Variants in TYW3 observed in about 807,000 individuals in gnomAD.
TYW3 encodes the protein tRNA-yW synthesizing protein 3 homolog, also known as tRNA wybutosine-synthesizing protein 3 homolog.
A neutral mutation model predicts 23.1 loss-of-function variants in TYW3; 26 were observed. The observed-to-expected ratio is 1.13, with a 90% CI of 0.83 to 1.56. The LOEUF (loss-of-function observed/expected upper bound fraction) is 1.56, where lower values mean the gene tolerates loss of function less well. TYW3 is among the 40% of genes most tolerant of loss of function. TYW3 has a pLI of 0.00. For missense variants in TYW3, 316 were observed against 311.9 expected (o/e 1.01, Z -0.10); for synonymous variants, 102 against 105.7 (o/e 0.97, Z 0.21).
At chr1:74,762,766 C>T (rs933315570) in intron 5 of TYW3, among the ~76,000 whole-genome samples, 1 of 152,114 alleles carries the variant, frequency 6.6e-6, no homozygotes, top group Admixed American at 6.5e-5. Flanking sequence ...GCTGACATCA[C>T]CTTTCCTAAA....
intron 5 of TYW3, 148 bp from the exon 6 acceptor site, chr1:74,763,746 C>T: frequency 1.8e-6 from 1 of 557,116 alleles, no homozygotes; most frequent in South Asian, 3.5e-5. Flanking sequence ...CATTTATTTC[C>T]CTAATAAAAC....
At position 74,765,450 on chromosome 1, in the gene TYW3, G is replaced by GCACT. The variant is rs1420088521; in HGVS notation, c.*1339_*1342dup. The GCACT allele has an allele frequency of 1.3e-5, 2 of 152,058 alleles. No individual in the cohort carries two copies. The highest frequency in any genetic ancestry group is 2.9e-5 in the Non-Finnish European group (2 of 67,988). 9.4% of individuals were successfully genotyped at this position (152,058 alleles called of 1,614,324 possible). ...ATTCCCCTAGATGACAATGTCAGTG[G>GCACT]CACTCGAAGTTGTGCAGTGCACATT... On this transcript the variant is annotated 3_prime_UTR_variant, in exon 6 of 6. Coordinates refer to ENST00000370867, the MANE Select transcript of TYW3 (RefSeq NM_138467.3).
Position 74,733,209 on chromosome 1 carries a change from T to G in TYW3, c.-36T>G, listed in dbSNP as rs976201759. On this transcript the variant is annotated 5_prime_UTR_variant, in exon 1 of 6. An upstream start codon of the reference 5' UTR is lost. Transcript: ENST00000370867. ...CCCCCAGGGAGAGACGAGGCTACCA[T>G]GAAGGAGCCGAGCGCAGACCCTGAG... The G allele has an allele frequency of 1.9e-6, 3 of 1,608,604 alleles. No homozygotes were observed. Among genetic ancestry groups the G allele is most frequent in the Non-Finnish European group, 2.5e-6 (3 of 1,177,306 alleles).
At chr1:74,751,730 C>CTTGTA (rs1557748120) in intron 4 of TYW3, among the ~76,000 whole-genome samples, 2 of 152,168 alleles carry the variant, frequency 1.3e-5, no homozygotes, top group African/African-American at 4.8e-5. Flanking sequence ...TTTTTATAGA[C>CTTGTA]CTTGTATGGT....
chr1:74,760,515 A>G (rs1484382004), intron 5 of TYW3, among the ~76,000 whole-genome samples: 1 of 152,180 alleles, frequency 6.6e-6, no homozygotes, highest in East Asian at 1.9e-4. Flanking sequence ...TCATCCTTGC[A>G]GTTCAGCCCA....
Position 74,763,990 on chromosome 1 carries a change from G to GA in TYW3, c.664dup (p.Arg222LysfsTer13), listed in dbSNP as rs746460438. The GA allele has an allele frequency of 6.2e-7, 1 of 1,610,130 alleles. No homozygotes were observed. ...AAAATAACTCATCATATATTCATAAGAAAAAAAGAAACCCAGAAAAAACAC... is the reference window on the plus strand; with the variant it reads ...AAAATAACTCATCATATATTCATAAGAAAAAAAAGAAACCCAGAAAAAACAC... On this transcript the variant is annotated frameshift_variant, in exon 6 of 6. Transcript: ENST00000370867. LOFTEE classifies it low-confidence loss of function (END_TRUNC).
Position 74,758,317 on chromosome 1 carries a change from A to G in TYW3, c.561-5577A>G, listed in dbSNP as rs540445571. 4.2e-4 allele frequency among the ~76,000 whole-genome samples: 64 copies of G among 152,348 alleles called. No individual in the cohort carries two copies. In the South Asian group the frequency reaches 5.2e-3, roughly 12 times the overall value. ...ACATATCCAATAACCATTTGAACAT[A>G]TCTAATTAAAATCTCTCACCAGCTT... On this transcript the variant is annotated intron_variant, in intron 5 of 5. Coordinates refer to ENST00000370867, the MANE Select transcript of TYW3 (RefSeq NM_138467.3).
chr1:74,758,315 A>G (rs1464736895), intron 5 of TYW3, among the ~76,000 whole-genome samples: 1 of 152,224 alleles, frequency 6.6e-6, no homozygotes, highest in African/African-American at 2.4e-5. Context: ...CCATTTGAAC[A>G]TATCTAATTA....
chr1:74,752,357 G>A lies in TYW3; in HGVS notation c.492G>A (p.Glu164=). The part of the protein sequence containing the change: ...LSHKGKLMVT[E]EYIDFLLNVA... ...ATAAGGGAAAACTGATGGTGACAGAGGAATATATTGACTTCCTGTTAAATG... is the reference window on the plus strand; with the variant it reads ...ATAAGGGAAAACTGATGGTGACAGAAGAATATATTGACTTCCTGTTAAATG... Residue 164 remains glutamate (E), a synonymous_variant, in exon 5 of 6, where the codon GAG becomes GAA. Coordinates refer to ENST00000370867, the MANE Select transcript of TYW3 (RefSeq NM_138467.3). 2 of 1,613,318 alleles carry A rather than the reference G, an allele frequency of 1.2e-6. No individual in the cohort carries two copies. The highest frequency in any genetic ancestry group is 1.7e-6 in the Non-Finnish European group (2 of 1,179,596).
chr1:74,764,137 C>A lies in TYW3; in HGVS notation c.*24C>A. On this transcript the variant is annotated 3_prime_UTR_variant, in exon 6 of 6. Transcript: ENST00000370867. ...AAGCTTTGGTTCTGATGTGTCTTGG[C>A]CGTAATGTTTCTAGTAGGTTTTATA... 1 of 1,581,384 alleles carries A rather than the reference C, an allele frequency of 6.3e-7. No homozygotes were observed. The highest frequency in any genetic ancestry group is 8.6e-7 in the Non-Finnish European group (1 of 1,164,458).
intron 3 of TYW3, among the ~76,000 whole-genome samples, chr1:74,742,288 T>A (rs1648390232): frequency 6.6e-6 from 1 of 152,228 alleles, no homozygotes; most frequent in South Asian, 2.1e-4. Context: ...GGAGGAGATT[T>A]GGCCCTGTAA....
chr1:74,746,740 A>C (rs1309719355), intron 3 of TYW3, among the ~76,000 whole-genome samples: 2 of 152,208 alleles, frequency 1.3e-5, no homozygotes, highest in African/African-American at 4.8e-5. Context: ...GGAGAGCTGC[A>C]TTTAAAGAGG....
chr1:74,747,142 C>T (rs1570064209), intron 3 of TYW3, among the ~76,000 whole-genome samples: 1 of 152,100 alleles, frequency 6.6e-6, no homozygotes, highest in African/African-American at 2.4e-5. Context: ...TTGGGAGACT[C>T]CTCCAGAAGT....
intron 1 of TYW3, among the ~76,000 whole-genome samples, chr1:74,735,857 G>A (rs1648136247): frequency 6.6e-6 from 1 of 152,246 alleles, no homozygotes; most frequent in Admixed American, 6.5e-5. Flanking sequence ...TTTGAGTATA[G>A]TGATTTCTGT....
chr1:74,738,801 T>C lies in TYW3; in HGVS notation c.354+13T>C, dbSNP rs940385615. The C allele has an allele frequency of 4.4e-6, 7 of 1,599,384 alleles. No homozygotes were observed. The African/African-American group carries it at 9.4e-5, about 21-fold the overall frequency. ...TGCACAGATTCTGGTAAAATTTTGT[T>C]GTAATTGTACTTGAATTTATAGATA... On this transcript the variant is annotated intron_variant, in intron 3 of 5. Transcript: ENST00000370867.
Position 74,752,306 on chromosome 1 carries a change from A to C in TYW3, c.441A>C (p.Thr147=). Residue 147 remains threonine (T), a synonymous_variant, in exon 5 of 6, where the codon ACA becomes ACC. Transcript: ENST00000370867. ...RGKTMLAVRS[T]HGLEVPLSHK... ...TTTCCTTGTAGGCTGTCCGGAGTAC[A>C]CATGGCTTAGAAGTTCCATTAAGCC... 1.9e-6 allele frequency: 3 copies of C among 1,610,728 alleles called. No homozygotes were observed. The South Asian group carries it at 3.3e-5, about 18-fold the overall frequency.
In TYW3 at chr1:74,763,994, AAAAG is replaced by A. The variant is rs768180633; in HGVS notation, c.665_668del (p.Arg222ThrfsTer26). 4.3e-6 allele frequency: 7 copies of A among 1,611,026 alleles called. No individual in the cohort carries two copies. In the East Asian group the frequency reaches 8.9e-5, roughly 21 times the overall value. Reference sequence around the variant, plus strand: ...TAACTCATCATATATTCATAAGAAAAAAAGAAACCCAGAAAAAACACGTGCCCAG... The same window carrying A: ...TAACTCATCATATATTCATAAGAAAAAAACCCAGAAAAAACACGTGCCCAG... On this transcript the variant is annotated frameshift_variant, in exon 6 of 6. Transcript: ENST00000370867. LOFTEE classifies it low-confidence loss of function (END_TRUNC).
At position 74,766,073 on chromosome 1, in the gene TYW3, G is replaced by C. The variant is rs753335728; in HGVS notation, c.*1960G>C. On this transcript the variant is annotated 3_prime_UTR_variant, in exon 6 of 6. Coordinates refer to ENST00000370867, the MANE Select transcript of TYW3 (RefSeq NM_138467.3). The stretch of plus-strand genomic sequence containing the variant: ...GGCCCCATAAGATTATAATGGACCT[G>C]AAAAATTCCTATTGCTAGTGATGTG... 1 of 152,012 alleles carries C rather than the reference G, an allele frequency of 6.6e-6. No homozygotes were observed. Among genetic ancestry groups the C allele is most frequent in the Non-Finnish European group, 1.5e-5 (1 of 68,000 alleles). 9.4% of individuals were successfully genotyped at this position (152,012 alleles called of 1,614,324 possible).
At chr1:74,754,646 A>G (rs1045030516) in intron 5 of TYW3, among the ~76,000 whole-genome samples, 5 of 152,194 alleles carry the variant, frequency 3.3e-5, no homozygotes, top group African/African-American at 1.2e-4. Flanking sequence ...AAATCCTGAA[A>G]AACATTTCAG....
Sources: allele counts gnomAD v4.1 joint callset (sites outside exome capture counted in the v4.1 genomes callset), GRCh38; gene constraint gnomAD v4.1.1; transcripts MANE v1.5; gene names NCBI Gene and HGNC (gene_info 2026-07-23, HGNC 2026-07-21).